Variants in ASCC3 observed in about 807,000 individuals in gnomAD.
The protein encoded by ASCC3 is ASC-1 complex subunit P200.
A neutral mutation model predicts 256.3 loss-of-function variants in ASCC3; 158 were observed. The observed-to-expected ratio is 0.62, with a 90% confidence interval of 0.54 to 0.70. The LOEUF (loss-of-function observed/expected upper bound fraction) is 0.70. ASCC3 is among the 30% of genes least tolerant of loss of function. The probability of loss-of-function intolerance (pLI) is 0.00; values close to 1 mark genes in which losing one functional copy is unlikely to be tolerated. For missense variants in ASCC3, 2,259 were observed against 2,626.0 expected (o/e 0.86, Z 3.05); for synonymous variants, 948 against 883.4 (o/e 1.07, Z -1.30).
chr6:100,879,925 G>A (rs752956795), intron 1 of ASCC3, among the ~76,000 whole-genome samples: 1 of 152,148 alleles, frequency 6.6e-6, no homozygotes, highest in East Asian at 1.9e-4. Context: ...CATGGCATGA[G>A]AAAGAACCCT....
At chr6:100,859,428 A>G (rs1014475523) in intron 3 of ASCC3, among the ~76,000 whole-genome samples, 6 of 151,990 alleles carry the variant, frequency 3.9e-5, no homozygotes, top group African/African-American at 1.4e-4. Context: ...GCAATCTGCA[A>G]TTTTCAAAAT....
intron 14 of ASCC3, among the ~76,000 whole-genome samples, chr6:100,676,665 C>T (rs76717114): frequency 0.028 from 4,214 of 152,186 alleles, 140 homozygotes; most frequent in Admixed American, 0.099. Flanking sequence ...CTGTTACTAC[C>T]AGAGAGAAAA....
intron 30 of ASCC3, among the ~76,000 whole-genome samples, chr6:100,607,672 A>C (rs1193839601): frequency 1.3e-5 from 2 of 151,912 alleles, no homozygotes; most frequent in Non-Finnish European, 2.9e-5. Flanking sequence ...GTAATAGTAA[A>C]TACTATTATT....
At chr6:100,800,269 C>T (rs1241334141) in intron 6 of ASCC3, 31 bp downstream of exon 6, 3 of 1,604,634 alleles carry the variant, frequency 1.9e-6, no homozygotes, top group East Asian at 4.5e-5. Context: ...AATTACAACA[C>T]AAGCATTTTT....
At chr6:100,584,529 ACT>A (rs929988256) in intron 36 of ASCC3, among the ~76,000 whole-genome samples, 13 of 151,752 alleles carry the variant, frequency 8.6e-5, no homozygotes, top group African/African-American at 3.1e-4. Context: ...ATGGGTCTTG[ACT>A]CTATCCAATT....
At chr6:100,705,223 G>A (rs778819146) in intron 13 of ASCC3, among the ~76,000 whole-genome samples, 2 of 151,940 alleles carry the variant, frequency 1.3e-5, no homozygotes, top group African/African-American at 2.4e-5. Flanking sequence ...ATGCCTGAGT[G>A]GAACACAACT....
chr6:100,818,747 C>CCAAAAAA (rs1770887525), intron 4 of ASCC3, among the ~76,000 whole-genome samples: 1 of 20,072 alleles, frequency 5.0e-5, no homozygotes, highest in Non-Finnish European at 1.1e-4. Context: ...TAGGCAAAAG[C>CCAAAAAA]CAAAAAAAAA....
intron 4 of ASCC3, among the ~76,000 whole-genome samples, chr6:100,839,610 T>C (rs1772042456): frequency 6.6e-6 from 1 of 152,162 alleles, no homozygotes; most frequent in African/African-American, 2.4e-5. Flanking sequence ...ACAAAAGTGA[T>C]GATTCAGCAT....
In ASCC3 at chr6:100,626,373, T is replaced by A. The variant is rs78492054; in HGVS notation, c.4643-1039A>T. 3.9e-5 allele frequency among the ~76,000 whole-genome samples: 6 copies of A among 152,170 alleles called. No homozygotes were observed. The East Asian group carries it at 1.2e-3, about 29-fold the overall frequency. On this transcript the variant is annotated intron_variant, in intron 29 of 41. Transcript: ENST00000369162. ...AAGGTTTATAATGGAAATGTTGACA[T>A]GACCTTGACTTTATTTACATCCTAA...
intron 14 of ASCC3, among the ~76,000 whole-genome samples, chr6:100,669,710 GTT>G (rs1776646979): frequency 6.6e-6 from 1 of 151,646 alleles, no homozygotes; most frequent in African/African-American, 2.4e-5. Context: ...AAGTAAAACA[GTT>G]TGATAAAAAA....
At chr6:100,792,468 C>A (rs1003023595) in intron 8 of ASCC3, among the ~76,000 whole-genome samples, 2 of 151,868 alleles carry the variant, frequency 1.3e-5, no homozygotes, top group African/African-American at 4.8e-5. Context: ...AAGGTAACAG[C>A]AATTTCATGC....
At chr6:100,526,358 T>C (rs1407551041) in intron 37 of ASCC3, among the ~76,000 whole-genome samples, 1 of 152,032 alleles carries the variant, frequency 6.6e-6, no homozygotes, top group Non-Finnish European at 1.5e-5. Flanking sequence ...GGGAAAAGGG[T>C]TGTTATGTGG....
chr6:100,667,288 G>A (rs750773421), intron 14 of ASCC3, among the ~76,000 whole-genome samples: 1 of 152,104 alleles, frequency 6.6e-6, no homozygotes, highest in Admixed American at 6.6e-5. Flanking sequence ...GTAGGCAGCA[G>A]GATATATAAG....
At chr6:100,577,145 TAAA>T (rs201915028) in intron 36 of ASCC3, among the ~76,000 whole-genome samples, 2 of 151,768 alleles carry the variant, frequency 1.3e-5, no homozygotes, top group Non-Finnish European at 2.9e-5. Flanking sequence ...CCCTACGTTG[TAAA>T]AAAAATCACC....
intron 10 of ASCC3, among the ~76,000 whole-genome samples, chr6:100,756,081 A>C (rs1781167064): frequency 6.6e-6 from 1 of 151,990 alleles, no homozygotes; most frequent in Non-Finnish European, 1.5e-5. Context: ...ATTTATCAAG[A>C]ATTTTTCTAT....
rs1278017238 is a variant in ASCC3, at chr6:100,810,417, CTT to C, written c.802-4539_802-4538del. Among the ~76,000 whole-genome samples the C allele has an allele frequency of 1.3e-5, 2 of 152,134 alleles. 1 individual carries two copies. The highest frequency in any genetic ancestry group is 2.9e-5 in the Non-Finnish European group (2 of 68,010). On this transcript the variant is annotated intron_variant, in intron 4 of 41. Transcript: ENST00000369162. ...TGTCCTCCTTCAAGGAAACTTTACTCTTTGTTTCTCCAAGAGTTAAAATAGTG... is the reference window on the plus strand; with the variant it reads ...TGTCCTCCTTCAAGGAAACTTTACTCTGTTTCTCCAAGAGTTAAAATAGTG...
chr6:100,595,135 T>C (rs1172632021), intron 34 of ASCC3, among the ~76,000 whole-genome samples: 1 of 152,150 alleles, frequency 6.6e-6, no homozygotes, highest in African/African-American at 2.4e-5. Context: ...GGTGATGCAC[T>C]GCACAGCATG....
chr6:100,640,200 C>T (rs555627663), intron 24 of ASCC3, among the ~76,000 whole-genome samples: 4 of 151,868 alleles, frequency 2.6e-5, no homozygotes, highest in Admixed American at 6.6e-5. Flanking sequence ...TAATCAAAGC[C>T]GAGATATGTT....
intron 36 of ASCC3, among the ~76,000 whole-genome samples, chr6:100,545,600 T>C (rs1775684183): frequency 6.6e-6 from 1 of 151,810 alleles, no homozygotes; most frequent in Non-Finnish European, 1.5e-5. Flanking sequence ...ATTCTCTTTT[T>C]AAAAAACAGA....
Sources: gnomAD v4.1 joint callset for allele counts (sites outside exome capture counted in the v4.1 genomes callset) on GRCh38, gnomAD v4.1.1 for gene constraint, MANE v1.5 for transcripts, NCBI Gene and HGNC (gene_info 2026-07-23, HGNC 2026-07-21) for gene names.